The following CACNA2D3 variants were observed in gnomAD, a reference collection of about 807,000 sequenced individuals.
CACNA2D3 encodes the protein voltage-dependent calcium channel subunit alpha-2/delta-3.
CACNA2D3 carries 60 observed loss-of-function variants against 160.6 expected under a neutral mutation model. The ratio of observed to expected loss-of-function variants is 0.37; its 90% CI spans 0.30 to 0.46. The LOEUF (loss-of-function observed/expected upper bound fraction) is 0.46. CACNA2D3 is among the 20% of genes least tolerant of loss of function. The pLI is 1.00. For synonymous variants in CACNA2D3, 558 were observed against 492.9 expected, an observed-to-expected ratio of 1.13 and a Z score of -1.75; for missense variants, 1,205 against 1,365.0, an observed-to-expected ratio of 0.88 and a Z score of 1.85.
At chr3:54,263,701 G>T (rs964874160) in intron 2 of CACNA2D3, among the ~76,000 whole-genome samples, 5 of 152,164 alleles carry the variant, frequency 3.3e-5, no homozygotes, top group African/African-American at 1.2e-4. Flanking sequence ...CACATGTTGT[G>T]CACCTTTGGT....
intron 9 of CACNA2D3, among the ~76,000 whole-genome samples, chr3:54,589,978 T>C (rs1407272751): frequency 6.6e-6 from 1 of 152,236 alleles, no homozygotes; most frequent in Non-Finnish European, 1.5e-5. Context: ...GCACAGGCAC[T>C]CTGGAAGACA....
intron 9 of CACNA2D3, among the ~76,000 whole-genome samples, chr3:54,607,523 C>T (rs928593321): frequency 7.9e-5 from 12 of 152,010 alleles, no homozygotes; most frequent in Admixed American, 7.9e-4. Flanking sequence ...CCCACAGTGC[C>T]GCTACACACA....
At position 54,885,234 on chromosome 3, in the gene CACNA2D3, C is replaced by A. The variant is rs766662764; in HGVS notation, c.1913-47C>A. On this transcript the variant is annotated intron_variant, in intron 21 of 37. Coordinates refer to ENST00000474759, the MANE Select transcript of CACNA2D3 (RefSeq NM_018398.3). ...AGAATATTTGAAGCACACAGGAGGA[C>A]TGGGGGAGTGATACTTATTCATGAA... 13 of 1,600,972 alleles carry A rather than the reference C, an allele frequency of 8.1e-6. No individual in the cohort carries two copies. In the African/African-American group the frequency reaches 1.7e-4, roughly 21 times the overall value.
At chr3:54,640,605 A>G (rs1699495903) in intron 10 of CACNA2D3, among the ~76,000 whole-genome samples, 1 of 152,214 alleles carries the variant, frequency 6.6e-6, no homozygotes, top group Non-Finnish European at 1.5e-5. Context: ...TTTACATACC[A>G]GTGAGCGCAA....
At chr3:54,308,629 ATAATGGC>A (rs1175249666) in intron 2 of CACNA2D3, among the ~76,000 whole-genome samples, 1 of 152,224 alleles carries the variant, frequency 6.6e-6, no homozygotes, top group East Asian at 1.9e-4. Flanking sequence ...TATTCTTATT[ATAATGGC>A]TAGTATCCCC....
intron 11 of CACNA2D3, among the ~76,000 whole-genome samples, chr3:54,665,832 G>A (rs1054344119): frequency 2.7e-5 from 4 of 150,830 alleles, no homozygotes; most frequent in African/African-American, 9.8e-5. Context: ...CTGCCACCCA[G>A]GTTCCGCCAC....
intron 4 of CACNA2D3, among the ~76,000 whole-genome samples, chr3:54,436,750 A>G (rs2106785199): frequency 6.6e-6 from 1 of 152,238 alleles, no homozygotes; most frequent in South Asian, 2.1e-4. Flanking sequence ...AGACACAGGG[A>G]GGGCAACATC....
Position 54,821,623 on chromosome 3 carries a change from G to A in CACNA2D3, c.1398+4753G>A, listed in dbSNP as rs536124090. 1.2e-4 allele frequency among the ~76,000 whole-genome samples: 18 copies of A among 150,106 alleles called. No homozygotes were observed. The South Asian group carries it at 2.8e-3, about 23-fold the overall frequency. ...TTTGGAGGAATAAATGGAAGCCTTC[G>A]TTTTTCTAGAGTCTTTCGTTCTTTC... On this transcript the variant is annotated intron_variant, in intron 14 of 37. Coordinates refer to ENST00000474759, the MANE Select transcript of CACNA2D3 (RefSeq NM_018398.3).
chr3:55,070,558 A>C (rs560916823), intron 35 of CACNA2D3, among the ~76,000 whole-genome samples: 1 of 152,164 alleles, frequency 6.6e-6, no homozygotes, highest in Non-Finnish European at 1.5e-5. Flanking sequence ...ATCCTTGAAG[A>C]AGCCTGAAAG....
chr3:54,636,009 C>T (rs898660098), intron 10 of CACNA2D3, among the ~76,000 whole-genome samples: 1 of 151,850 alleles, frequency 6.6e-6, no homozygotes, highest in Non-Finnish European at 1.5e-5. Context: ...TTTGCCAGTC[C>T]TGGGTGGGGG....
At chr3:54,495,750 A>G (rs2106930157) in intron 4 of CACNA2D3, among the ~76,000 whole-genome samples, 1 of 152,284 alleles carries the variant, frequency 6.6e-6, no homozygotes, top group East Asian at 1.9e-4. Context: ...ACTCTGTCTC[A>G]AAACAAACAA....
chr3:54,942,336 T>C (rs1167518604), intron 27 of CACNA2D3, among the ~76,000 whole-genome samples: 2 of 152,094 alleles, frequency 1.3e-5, no homozygotes, highest in African/African-American at 2.4e-5. Context: ...GGCTGACCTC[T>C]CCCCCTGAGT....
chr3:54,945,740 T>A (rs1028735407), intron 27 of CACNA2D3, among the ~76,000 whole-genome samples: 10 of 152,188 alleles, frequency 6.6e-5, no homozygotes, highest in Non-Finnish European at 1.2e-4. Context: ...TAGGCAGCCT[T>A]GCTTTTTTCA....
At chr3:54,831,971 CT>C (rs1243571193) in intron 14 of CACNA2D3, among the ~76,000 whole-genome samples, 1 of 149,882 alleles carries the variant, frequency 6.7e-6, no homozygotes, top group Non-Finnish European at 1.5e-5. Context: ...CCCTTTCCCT[CT>C]TTTTTTTCCT....
intron 17 of CACNA2D3, among the ~76,000 whole-genome samples, chr3:54,856,072 A>C (rs2106791619): frequency 6.6e-6 from 1 of 152,316 alleles, no homozygotes; most frequent in African/African-American, 2.4e-5. Flanking sequence ...TCTGTGCTGC[A>C]AGTAGCATGA....
intron 21 of CACNA2D3, 133 bp downstream of exon 21, chr3:54,880,996 A>G (rs1198571785): frequency 1.3e-6 from 1 of 747,016 alleles, no homozygotes; most frequent in Non-Finnish European, 2.4e-6. Flanking sequence ...ACTCAAACGA[A>G]TGCCTACTTG....
intron 4 of CACNA2D3, among the ~76,000 whole-genome samples, chr3:54,392,847 A>G (rs529966672): frequency 6.6e-6 from 1 of 152,014 alleles, no homozygotes; most frequent in African/African-American, 2.4e-5. Flanking sequence ...TCAGTGTAGA[A>G]CTTCTTTCAC....
intron 2 of CACNA2D3, among the ~76,000 whole-genome samples, chr3:54,153,561 A>C (rs1180383701): frequency 2.6e-5 from 4 of 152,178 alleles, no homozygotes; most frequent in Admixed American, 2.6e-4. Flanking sequence ...GTTTGGGAGG[A>C]GAACTGGATG....
chr3:54,792,363 GATAACTT>G (rs1702774665), intron 13 of CACNA2D3, among the ~76,000 whole-genome samples: 1 of 152,232 alleles, frequency 6.6e-6, no homozygotes, highest in Non-Finnish European at 1.5e-5. Flanking sequence ...CACTGGAATA[GATAACTT>G]ATAATATGTT....
Sources: allele counts gnomAD v4.1 joint callset (sites outside exome capture counted in the v4.1 genomes callset), GRCh38; gene constraint gnomAD v4.1.1; transcripts MANE v1.5; gene names NCBI Gene and HGNC (gene_info 2026-07-23, HGNC 2026-07-21).